Variants in GPC6 observed in about 807,000 individuals in gnomAD.
GPC6 encodes the protein glypican 6, also known as glypican-6.
In GPC6, 14 loss-of-function variants were observed where a neutral mutation model predicts 55.2. The ratio of observed to expected loss-of-function variants is 0.25; its 90% CI spans 0.17 to 0.40. The LOEUF (loss-of-function observed/expected upper bound fraction) is 0.40, where lower values mean the gene tolerates loss of function less well. Among genes scored for constraint, GPC6 ranks in the 10% least tolerant of loss-of-function variants. The pLI is 1.00. For synonymous variants in GPC6, 278 were observed against 259.6 expected (o/e 1.07, Z -0.68); for missense variants, 641 against 708.5 (o/e 0.90, Z 1.08).
chr13:94,299,632 C>A (rs756722577), intron 5 of GPC6, among the ~76,000 whole-genome samples: 1 of 152,220 alleles, frequency 6.6e-6, no homozygotes, highest in Non-Finnish European at 1.5e-5. Context: ...AAGGTGCCAT[C>A]TATAAAGCAG....
At chr13:94,350,982 A>C (rs1878511263) in intron 6 of GPC6, among the ~76,000 whole-genome samples, 1 of 152,188 alleles carries the variant, frequency 6.6e-6, no homozygotes, top group Non-Finnish European at 1.5e-5. Flanking sequence ...CGCTGCCCTG[A>C]ATCTCTGAAG....
At position 93,558,766 on chromosome 13, in the gene GPC6, A is replaced by G. The variant is rs145188925; in HGVS notation, c.319+13345A>G. Among the ~76,000 whole-genome samples the G allele has an allele frequency of 6.1e-3, 928 of 152,314 alleles. 7 individuals carry two copies. The highest frequency in any genetic ancestry group is 0.021 in the African/African-American group (874 of 41,578). ...AAATTTAAATCCCTGTTGAACAACG[A>G]CTAACAGGTTTACACTGTGGGGTTT... On this transcript the variant is annotated intron_variant, in intron 2 of 8. Coordinates refer to ENST00000377047, the MANE Select transcript of GPC6 (RefSeq NM_005708.5).
At chr13:94,330,946 C>T (rs367557026) in intron 6 of GPC6, among the ~76,000 whole-genome samples, 41 of 152,030 alleles carry the variant, frequency 2.7e-4, no homozygotes, top group African/African-American at 9.2e-4. Flanking sequence ...GACTGTTCTA[C>T]GAGTTTAGTA....
At chr13:94,372,731 C>G (rs1475861733) in intron 6 of GPC6, among the ~76,000 whole-genome samples, 2 of 152,206 alleles carry the variant, frequency 1.3e-5, no homozygotes, top group Admixed American at 1.3e-4. Context: ...GGAGGCCTGC[C>G]TGCCTCTGTA....
chr13:94,275,514 C>T (rs1357202090), intron 4 of GPC6, among the ~76,000 whole-genome samples: 3 of 151,472 alleles, frequency 2.0e-5, no homozygotes, highest in Non-Finnish European at 4.4e-5. Flanking sequence ...TGGAGGTGAA[C>T]TTAGAAAGGA....
At chr13:93,401,085 T>C (rs74845823) in intron 1 of GPC6, among the ~76,000 whole-genome samples, 1,581 of 152,186 alleles carry the variant, frequency 0.01, 26 homozygotes, top group African/African-American at 0.035. Flanking sequence ...GTTGAAATCA[T>C]ATATCACCTT....
chr13:94,094,264 G>A (rs553924269), intron 4 of GPC6, among the ~76,000 whole-genome samples: 85 of 152,150 alleles, frequency 5.6e-4, no homozygotes, highest in Admixed American at 1.7e-3. Flanking sequence ...GAGCAATAGT[G>A]CTAGATAAAC....
intron 7 of GPC6, among the ~76,000 whole-genome samples, chr13:94,394,230 A>T (rs1020368548): frequency 1.3e-5 from 2 of 152,232 alleles, no homozygotes; most frequent in African/African-American, 4.8e-5. Flanking sequence ...AACCAAAATG[A>T]GGAAGCTGTG....
intron 2 of GPC6, among the ~76,000 whole-genome samples, chr13:93,705,178 A>G (rs1460623997): frequency 1.3e-5 from 2 of 151,900 alleles, no homozygotes; most frequent in African/African-American, 4.8e-5. Flanking sequence ...CTGCTTTTGA[A>G]GTGTATTCTA....
At chr13:93,593,863 G>C (rs1402215601) in intron 2 of GPC6, among the ~76,000 whole-genome samples, 1 of 152,012 alleles carries the variant, frequency 6.6e-6, no homozygotes, top group South Asian at 2.1e-4. Context: ...ATATAAGAAA[G>C]ATTTCTCTGT....
intron 1 of GPC6, among the ~76,000 whole-genome samples, chr13:93,286,500 ACT>A (rs1878131381): frequency 6.6e-6 from 1 of 152,130 alleles, no homozygotes; most frequent in South Asian, 2.1e-4. Context: ...GCTGTTAATG[ACT>A]CTAACACATC....
chr13:94,196,155 A>G (rs1307785263), intron 4 of GPC6, among the ~76,000 whole-genome samples: 1 of 151,616 alleles, frequency 6.6e-6, no homozygotes, highest in Non-Finnish European at 1.5e-5. Context: ...GCCATACTGC[A>G]TACCACAATT....
rs1401243725 is a variant in GPC6, at chr13:93,997,735, G to A, written c.712-29994G>A. Among the ~76,000 whole-genome samples the A allele has an allele frequency of 1.2e-4, 18 of 152,122 alleles. 1 individual carries two copies. The highest frequency in any genetic ancestry group is 1.0e-3 in the Admixed American group (16 of 15,256). On this transcript the variant is annotated intron_variant, in intron 3 of 8. Coordinates refer to ENST00000377047, the MANE Select transcript of GPC6 (RefSeq NM_005708.5). ...AAGAAAGAGGTGATAATTAAAAGGA[G>A]TTGTTGTAGATATTTCCATGTTTGC...
chr13:94,134,444 C>T (rs1887111480), intron 4 of GPC6, among the ~76,000 whole-genome samples: 1 of 152,166 alleles, frequency 6.6e-6, no homozygotes, highest in Non-Finnish European at 1.5e-5. Context: ...TTTAGATCCC[C>T]CAGAAGAATG....
chr13:94,374,452 T>A (rs9516407), intron 6 of GPC6, among the ~76,000 whole-genome samples: 38,466 of 145,792 alleles, frequency 0.26, 5,400 homozygotes, highest in Middle Eastern at 0.36. Flanking sequence ...CCAACAAAGA[T>A]CAAAAGAGAC....
intron 6 of GPC6, among the ~76,000 whole-genome samples, chr13:94,375,525 A>G (rs895221205): frequency 9.9e-5 from 15 of 152,234 alleles, no homozygotes; most frequent in African/African-American, 3.6e-4. Flanking sequence ...GAATAGACCA[A>G]TAACAGGATC....
chr13:94,376,688 G>T (rs1038379755), intron 6 of GPC6, among the ~76,000 whole-genome samples: 2 of 151,908 alleles, frequency 1.3e-5, no homozygotes, highest in Non-Finnish European at 2.9e-5. Flanking sequence ...TCACAGAATT[G>T]GAAAAAACTA....
At chr13:93,231,226 A>G (rs145213428) in intron 1 of GPC6, among the ~76,000 whole-genome samples, 147 of 150,884 alleles carry the variant, frequency 9.7e-4, no homozygotes, top group African/African-American at 3.0e-3. Context: ...CAGGGTCTAT[A>G]TACCTAACTT....
chr13:94,164,174 G>A (rs542949699), intron 4 of GPC6, among the ~76,000 whole-genome samples: 210 of 152,114 alleles, frequency 1.4e-3, no homozygotes, highest in African/African-American at 4.7e-3. Context: ...TTGAATACTC[G>A]TTTTATATTA....
Sources: gnomAD v4.1 joint callset for allele counts (sites outside exome capture counted in the v4.1 genomes callset) on GRCh38, gnomAD v4.1.1 for gene constraint, MANE v1.5 for transcripts, NCBI Gene and HGNC (gene_info 2026-07-23, HGNC 2026-07-21) for gene names.